Variants in ANKRD13C observed in about 807,000 individuals in gnomAD.
ANKRD13C encodes ankyrin repeat domain 13C.
ANKRD13C carries 16 observed loss-of-function variants against 65.5 expected under a neutral mutation model. That is an observed-to-expected ratio of 0.24 (90% CI 0.17 to 0.37). The LOEUF is 0.37. Ranked by LOEUF, ANKRD13C falls within the 10% of genes least tolerant of loss-of-function variation. ANKRD13C has a pLI of 1.00. For missense variants in ANKRD13C, 503 were observed against 655.9 expected (o/e 0.77, Z 2.55); for synonymous variants, 235 against 238.7 (o/e 0.98, Z 0.14).
chr1:70,304,959 AGGTTTTTTTAAAAAACACGCTG>A (rs1680525030), intron 6 of ANKRD13C, among the ~76,000 whole-genome samples: 1 of 152,062 alleles, frequency 6.6e-6, no homozygotes, highest in African/African-American at 2.4e-5. Context: ...ACACCTGAAG[AGGTTTTTTTAAAAAACACGCTG>A]GGTGTGATGG....
chr1:70,321,332 C>A (rs576338519), intron 3 of ANKRD13C, among the ~76,000 whole-genome samples: 2 of 152,070 alleles, frequency 1.3e-5, no homozygotes, highest in Non-Finnish European at 2.9e-5. Flanking sequence ...AAGAACTTAA[C>A]CTACTCTAGA....
In ANKRD13C at chr1:70,260,603, A is replaced by G. The variant is rs934986735; in HGVS notation, c.*2114T>C. ...TCGAAAAATCTTCATTAAAAGTAATACTGTGAAAAGTTTATTTGCATCGAT... is the reference window on the plus strand; with the variant it reads ...TCGAAAAATCTTCATTAAAAGTAATGCTGTGAAAAGTTTATTTGCATCGAT... On this transcript the variant is annotated 3_prime_UTR_variant, in exon 13 of 13. Coordinates refer to ENST00000370944, the MANE Select transcript of ANKRD13C (RefSeq NM_030816.5). 1.3e-5 allele frequency: 2 copies of G among 152,138 alleles called. No homozygotes were observed. Among genetic ancestry groups the G allele is most frequent in the Non-Finnish European group, 2.9e-5 (2 of 67,974 alleles). 9.4% of individuals were successfully genotyped at this position (152,138 alleles called of 1,614,324 possible).
intron 1 of ANKRD13C, among the ~76,000 whole-genome samples, chr1:70,343,352 T>C (rs1213499972): frequency 1.3e-5 from 2 of 152,210 alleles, no homozygotes. Flanking sequence ...CTCAGTTTTC[T>C]ATGTCCTCAA....
chr1:70,274,490 A>G (rs911211026), intron 11 of ANKRD13C, among the ~76,000 whole-genome samples: 1 of 148,458 alleles, frequency 6.7e-6, no homozygotes, highest in African/African-American at 2.6e-5. Context: ...AAAAAAAAAA[A>G]AAAAAAGAAA....
intron 6 of ANKRD13C, 114 bp from the exon 7 acceptor site, chr1:70,301,022 G>T: frequency 1.9e-6 from 2 of 1,061,848 alleles, no homozygotes; most frequent in Non-Finnish European, 1.3e-6. Flanking sequence ...ATACCATATT[G>T]CAAAGTCAAA....
chr1:70,322,089 T>G (rs1681334918), intron 3 of ANKRD13C, among the ~76,000 whole-genome samples: 1 of 151,980 alleles, frequency 6.6e-6, no homozygotes, highest in Admixed American at 6.6e-5. Flanking sequence ...CCGAGGCAAG[T>G]AGATTACCTG....
chr1:70,350,030 C>T (rs1682682454), intron 1 of ANKRD13C, among the ~76,000 whole-genome samples: 1 of 152,156 alleles, frequency 6.6e-6, no homozygotes, highest in South Asian at 2.1e-4. Flanking sequence ...GTAGTCCTAG[C>T]TTCTCAGGAG....
At chr1:70,262,949 A>AAAAC in intron 12 of ANKRD13C, 102 bp from the exon 13 acceptor site, 1 of 910,612 alleles carries the variant, frequency 1.1e-6, no homozygotes, top group Non-Finnish European at 1.5e-6. Context: ...AATGTAAAAA[A>AAAAC]AAAAAAAAAA....
In ANKRD13C at chr1:70,331,820, CAAAAAAAAAAAA is replaced by C. The variant is rs10526340; in HGVS notation, c.472+4226_472+4237del. ...CTAGGCAACAGAGCAAGACTCGACTCAAAAAAAAAAAAAAAAAAAAAAAGGAACACTAAGTAT... is the reference window on the plus strand; with the variant it reads ...CTAGGCAACAGAGCAAGACTCGACTCAAAAAAAAAAAGGAACACTAAGTAT... On this transcript the variant is annotated intron_variant, in intron 2 of 12. Transcript: ENST00000370944. 2.7e-4 allele frequency among the ~76,000 whole-genome samples: 19 copies of C among 70,038 alleles called. 1 individual carries two copies. Among genetic ancestry groups the C allele is most frequent in the South Asian group, 1.8e-3 (4 of 2,224 alleles). The allele number at this position is 70,038 out of a possible 152,430, so 45.9% of individuals were successfully genotyped here.
At chr1:70,308,521 C>T (rs1680687575) in intron 5 of ANKRD13C, among the ~76,000 whole-genome samples, 1 of 151,524 alleles carries the variant, frequency 6.6e-6, no homozygotes, top group Admixed American at 6.6e-5. Flanking sequence ...GGGCAGATCA[C>T]GAGGTCAGGA....
intron 8 of ANKRD13C, among the ~76,000 whole-genome samples, chr1:70,295,818 T>C (rs1178340021): frequency 6.6e-6 from 1 of 152,126 alleles, no homozygotes; most frequent in Non-Finnish European, 1.5e-5. Flanking sequence ...GTAGTCTTCT[T>C]ATCGAATAAA....
chr1:70,295,659 T>C (rs967157466), intron 8 of ANKRD13C, among the ~76,000 whole-genome samples: 1 of 152,202 alleles, frequency 6.6e-6, no homozygotes, highest in African/African-American at 2.4e-5. Flanking sequence ...CGAGATTTGA[T>C]TTAACAATTC....
At chr1:70,281,076 G>A (rs918755997) in intron 9 of ANKRD13C, among the ~76,000 whole-genome samples, 2 of 150,324 alleles carry the variant, frequency 1.3e-5, no homozygotes, top group Non-Finnish European at 3.0e-5. Flanking sequence ...GAGGAAGGAG[G>A]GAAGAAAGCA....
chr1:70,346,623 T>G (rs1368207817), intron 1 of ANKRD13C, among the ~76,000 whole-genome samples: 1 of 152,138 alleles, frequency 6.6e-6, no homozygotes, highest in Non-Finnish European at 1.5e-5. Context: ...TTCTGCATTC[T>G]CTCTCAAAAA....
intron 5 of ANKRD13C, among the ~76,000 whole-genome samples, chr1:70,306,603 G>A (rs1353757011): frequency 1.3e-5 from 2 of 152,048 alleles, no homozygotes; most frequent in African/African-American, 2.4e-5. Context: ...ATAACCCTAT[G>A]GTAACTAAAC....
At chr1:70,266,013 C>CA (rs1347245234) in intron 12 of ANKRD13C, among the ~76,000 whole-genome samples, 1 of 151,820 alleles carries the variant, frequency 6.6e-6, no homozygotes, top group Non-Finnish European at 1.5e-5. Context: ...TAACATCTTA[C>CA]AAATAATACA....
At chr1:70,353,505 C>G (rs1283837474) in intron 1 of ANKRD13C, among the ~76,000 whole-genome samples, 1 of 152,112 alleles carries the variant, frequency 6.6e-6, no homozygotes, top group Admixed American at 6.6e-5. Context: ...AAAAAAGAAA[C>G]AACCTGGTGG....
chr1:70,311,344 A>G (rs1680841741), intron 5 of ANKRD13C, among the ~76,000 whole-genome samples: 2 of 152,068 alleles, frequency 1.3e-5, no homozygotes, highest in African/African-American at 2.4e-5. Context: ...AACATAAGGC[A>G]CATGCATGTA....
At chr1:70,268,472 C>A (rs1265286281) in intron 12 of ANKRD13C, among the ~76,000 whole-genome samples, 10 of 152,112 alleles carry the variant, frequency 6.6e-5, no homozygotes. Flanking sequence ...ATACAGCTAG[C>A]TTTTAAAAAG....
Sources: gnomAD v4.1 joint callset for allele counts (sites outside exome capture counted in the v4.1 genomes callset) on GRCh38, gnomAD v4.1.1 for gene constraint, MANE v1.5 for transcripts, NCBI Gene and HGNC (gene_info 2026-07-23, HGNC 2026-07-21) for gene names.